CFAP61: variants seen among roughly 807,000 people sequenced by gnomAD.
CFAP61 encodes the protein cilia- and flagella-associated protein 61.
A neutral mutation model predicts 135.6 loss-of-function variants in CFAP61; 107 were observed. The ratio of observed to expected loss-of-function variants is 0.79; its 90% confidence interval spans 0.67 to 0.93. CFAP61 has a LOEUF of 0.93. Among genes scored for constraint, CFAP61 ranks in the 40% least tolerant of loss-of-function variants. CFAP61 has a pLI of 0.00. For synonymous variants in CFAP61, 575 were observed against 578.5 expected, an observed-to-expected ratio of 0.99 and a Z score of 0.09; for missense variants, 1,507 against 1,556.2, an observed-to-expected ratio of 0.97 and a Z score of 0.53.
chr20:20,319,933 G>A (rs1318275887), intron 25 of CFAP61, among the ~76,000 whole-genome samples: 1 of 152,078 alleles, frequency 6.6e-6, no homozygotes, highest in Non-Finnish European at 1.5e-5. Flanking sequence ...CACACCACCT[G>A]CGAAAAACAA....
intron 8 of CFAP61, among the ~76,000 whole-genome samples, chr20:20,106,854 G>GCA (rs1435589255): frequency 6.6e-6 from 1 of 152,018 alleles, no homozygotes; most frequent in Non-Finnish European, 1.5e-5. Context: ...GAAAGATTAT[G>GCA]CAAAAAAAAT....
intron 8 of CFAP61, among the ~76,000 whole-genome samples, chr20:20,123,432 A>G (rs938813874): frequency 6.6e-6 from 1 of 151,508 alleles, no homozygotes; most frequent in African/African-American, 2.4e-5. Flanking sequence ...GGTTTTTCCA[A>G]GGTGAGAGAT....
At position 20,227,223 on chromosome 20, in the gene CFAP61, C is replaced by T. The variant is rs188798755; in HGVS notation, c.1933-1026C>T. Among the ~76,000 whole-genome samples, 320 of 152,322 alleles carry T rather than the reference C, an allele frequency of 2.1e-3. 1 individual carries two copies. The highest frequency in any genetic ancestry group is 3.4e-3 in the Non-Finnish European group (231 of 68,032). On this transcript the variant is annotated intron_variant, in intron 17 of 26. Transcript: ENST00000245957. ...TGGTATCCCAGGGTTTTAAGAAAATCCAAAGCAGGTTTGACCTATCAGAAT... is the reference window on the plus strand; with the variant it reads ...TGGTATCCCAGGGTTTTAAGAAAATTCAAAGCAGGTTTGACCTATCAGAAT...
intron 19 of CFAP61, among the ~76,000 whole-genome samples, chr20:20,249,314 T>C (rs1231499273): frequency 2.0e-5 from 3 of 152,008 alleles, no homozygotes; most frequent in African/African-American, 4.8e-5. Flanking sequence ...GGTGAGAAGA[T>C]TGCTTGTGCC....
Position 20,056,692 on chromosome 20 carries a change from T to G in CFAP61, c.39T>G (p.Val13=), listed in dbSNP as rs767749080. The G allele has an allele frequency of 1.9e-6, 3 of 1,614,204 alleles. No homozygotes were observed. Among genetic ancestry groups the G allele is most frequent in the South Asian group, 2.2e-5 (2 of 91,086 alleles). The change falls in exon 2 of 27, where the codon GTT becomes GTG. Residue 13 remains valine (V), a synonymous_variant. Coordinates refer to ENST00000245957, the MANE Select transcript of CFAP61 (RefSeq NM_015585.4). ...VLTSPRGKVE[V]VHCRRTESQD... is the part of the protein sequence containing the mutation. The stretch of plus-strand genomic sequence containing the variant: ...CTTCTCCAAGAGGAAAGGTAGAAGT[T>G]GTTCATTGCCGAAGAACAGAATCAC...
intron 20 of CFAP61, chr20:20,253,453 A>G (rs2051169027): frequency 6.2e-6 from 2 of 324,516 alleles, no homozygotes; most frequent in African/African-American, 4.4e-5. Flanking sequence ...GGTTAACCTG[A>G]CCCTGAGCTC....
At chr20:20,162,246 A>T (rs1189767715) in intron 10 of CFAP61, among the ~76,000 whole-genome samples, 1 of 152,134 alleles carries the variant, frequency 6.6e-6, no homozygotes, top group Non-Finnish European at 1.5e-5. Flanking sequence ...ATCATCTAGG[A>T]GCATCTCCTC....
chr20:20,306,177 C>G (rs752534639), intron 25 of CFAP61, among the ~76,000 whole-genome samples: 5 of 152,198 alleles, frequency 3.3e-5, no homozygotes, highest in Non-Finnish European at 7.3e-5. Flanking sequence ...CCTGAAATTA[C>G]AGCCAGCACA....
In CFAP61 at chr20:20,296,946, C is replaced by T. The variant is rs541331816; in HGVS notation, c.3217-1235C>T. On this transcript the variant is annotated intron_variant, in intron 24 of 26. Coordinates refer to ENST00000245957, the MANE Select transcript of CFAP61 (RefSeq NM_015585.4). ...CACTTTGTTATGGTGGTAGATTTCC[C>T]GTCTATCCATCCATTTCTATAAACA... 4.0e-4 allele frequency among the ~76,000 whole-genome samples: 61 copies of T among 152,054 alleles called. 1 individual carries two copies. Among genetic ancestry groups the T allele is most frequent in the African/African-American group, 1.4e-3 (58 of 41,460 alleles).
At position 20,196,718 on chromosome 20, in the gene CFAP61, G is replaced by A. The variant is rs115927004; in HGVS notation, c.1739G>A (p.Arg580His). ...AAGTTCTTTCTGAAGGAGATCCTGC[G>A]TTTAGGCTTTAAATCCTGTCTCTAC... ...YTKFFLKEILRLGFKSCLYYR... is the reference protein window; with the variant it reads ...YTKFFLKEILHLGFKSCLYYR... The change falls in exon 16 of 27, where the codon CGT becomes CAT. Residue 580 changes from arginine to histidine, a missense_variant. Physicochemically the swap from Arg to His is conservative, Grantham distance 29. Coordinates refer to ENST00000245957, the MANE Select transcript of CFAP61 (RefSeq NM_015585.4). 1.1e-5 allele frequency: 17 copies of A among 1,614,146 alleles called. No homozygotes were observed. Among genetic ancestry groups the A allele is most frequent in the African/African-American group, 2.7e-5 (2 of 75,040 alleles).
intron 9 of CFAP61, among the ~76,000 whole-genome samples, chr20:20,156,449 T>C (rs2052915942): frequency 1.3e-5 from 2 of 152,218 alleles, no homozygotes; most frequent in African/African-American, 4.8e-5. Flanking sequence ...GAAGGACTAA[T>C]TGTTTCACCC....
intron 1 of CFAP61, 141 bp downstream of exon 1, chr20:20,052,732 A>G (rs1277040195): frequency 1.3e-6 from 2 of 1,594,048 alleles, no homozygotes; most frequent in South Asian, 1.1e-5. Flanking sequence ...CCTGCAAGGG[A>G]GTAAGAACGG....
At chr20:20,329,540 T>C (rs367593645) in intron 25 of CFAP61, among the ~76,000 whole-genome samples, 26 of 152,354 alleles carry the variant, frequency 1.7e-4, no homozygotes, top group African/African-American at 6.3e-4. Flanking sequence ...CTGTCCAGTG[T>C]AGCCTCAACA....
At chr20:20,333,696 T>C (rs1276238160) in intron 25 of CFAP61, among the ~76,000 whole-genome samples, 2 of 152,158 alleles carry the variant, frequency 1.3e-5, no homozygotes, top group Non-Finnish European at 2.9e-5. Context: ...GAAAAACAAA[T>C]GGACAGCAGA....
intron 8 of CFAP61, among the ~76,000 whole-genome samples, chr20:20,138,142 T>A (rs555216954): frequency 6.6e-6 from 1 of 152,140 alleles, no homozygotes; most frequent in Non-Finnish European, 1.5e-5. Context: ...GACAAAGTCC[T>A]CTTCACTCCC....
At chr20:20,125,040 G>A (rs967856838) in intron 8 of CFAP61, among the ~76,000 whole-genome samples, 2 of 151,544 alleles carry the variant, frequency 1.3e-5, no homozygotes, top group Non-Finnish European at 2.9e-5. Context: ...ATGATCTTTT[G>A]TATTTCATTG....
chr20:20,314,622 G>A (rs1249760630), intron 25 of CFAP61, among the ~76,000 whole-genome samples: 1 of 144,774 alleles, frequency 6.9e-6, no homozygotes, highest in African/African-American at 2.6e-5. Flanking sequence ...TGCCATGCTG[G>A]TGGGCTGCAC....
At chr20:20,158,763 G>A (rs1430733495) in intron 9 of CFAP61, among the ~76,000 whole-genome samples, 1 of 152,306 alleles carries the variant, frequency 6.6e-6, no homozygotes, top group East Asian at 1.9e-4. Context: ...GGAGTGAGAG[G>A]CACATGGGAA....
At chr20:20,244,875 T>G (rs2050316926) in intron 18 of CFAP61, among the ~76,000 whole-genome samples, 2 of 152,268 alleles carry the variant, frequency 1.3e-5, no homozygotes, top group African/African-American at 2.4e-5. Context: ...TAGAAATTTC[T>G]TCTGCCAGAT....
Sources: allele counts gnomAD v4.1 joint callset (sites outside exome capture counted in the v4.1 genomes callset), GRCh38; gene constraint gnomAD v4.1.1; transcripts MANE v1.5; gene names NCBI Gene and HGNC (gene_info 2026-07-23, HGNC 2026-07-21).